The following RAVER2 variants were observed in gnomAD, a reference collection of about 807,000 sequenced individuals.
RAVER2 encodes ribonucleoprotein, PTB binding 2.
RAVER2 carries 46 observed loss-of-function variants against 78.1 expected under a neutral mutation model. The observed-to-expected ratio is 0.59, with a 90% CI of 0.46 to 0.75. The LOEUF (loss-of-function observed/expected upper bound fraction) is 0.75. RAVER2 is among the 30% of genes least tolerant of loss of function. The pLI, the probability that RAVER2 is intolerant of heterozygous loss-of-function variation, is 0.00. For synonymous variants in RAVER2, 311 were observed against 313.3 expected, an observed-to-expected ratio of 0.99 and a Z score of 0.08; for missense variants, 793 against 837.5, an observed-to-expected ratio of 0.95 and a Z score of 0.66.
At chr1:64,765,160 G>T (rs1022752793) in intron 1 of RAVER2, among the ~76,000 whole-genome samples, 2 of 152,178 alleles carry the variant, frequency 1.3e-5, no homozygotes, top group Admixed American at 6.5e-5. Flanking sequence ...CTGTTGATGG[G>T]ACTGTACACT....
At chr1:64,768,620 G>A (rs1346236801) in intron 1 of RAVER2, 36 bp from the exon 2 acceptor site, 1 of 1,307,686 alleles carries the variant, frequency 7.6e-7, no homozygotes, top group African/African-American at 1.5e-5. Context: ...AACTGCATTT[G>A]TATGTTTACT....
chr1:64,794,219 A>G (rs1454725186), intron 5 of RAVER2, among the ~76,000 whole-genome samples: 1 of 151,906 alleles, frequency 6.6e-6, no homozygotes, highest in African/African-American at 2.4e-5. Flanking sequence ...GACCACGGTG[A>G]AACCCCGTTT....
At chr1:64,792,187 A>G (rs778184585) in intron 5 of RAVER2, among the ~76,000 whole-genome samples, 1 of 152,180 alleles carries the variant, frequency 6.6e-6, no homozygotes, top group Non-Finnish European at 1.5e-5. Context: ...TTACAGTTCT[A>G]TATTTGACTT....
intron 1 of RAVER2, among the ~76,000 whole-genome samples, chr1:64,747,702 T>A (rs1651581015): frequency 6.6e-6 from 1 of 152,038 alleles, no homozygotes; most frequent in Non-Finnish European, 1.5e-5. Context: ...TTAGTAGAGA[T>A]GTGGTTTTGC....
At chr1:64,786,724 C>T (rs747596570) in intron 4 of RAVER2, among the ~76,000 whole-genome samples, 2 of 150,838 alleles carry the variant, frequency 1.3e-5, no homozygotes, top group Non-Finnish European at 3.0e-5. Context: ...ACCCAGGAAG[C>T]AGAGATTGCA....
At chr1:64,830,106 T>C (rs1456156181) in intron 11 of RAVER2, among the ~76,000 whole-genome samples, 1 of 152,216 alleles carries the variant, frequency 6.6e-6, no homozygotes, top group East Asian at 1.9e-4. Flanking sequence ...TTAAGTCACA[T>C]AATTCTGCAT....
intron 9 of RAVER2, 68 bp from the exon 10 acceptor site, chr1:64,812,670 C>A (rs1653646899): frequency 1.0e-6 from 1 of 998,658 alleles, no homozygotes; most frequent in East Asian, 2.7e-5. Flanking sequence ...ATAAGTATTT[C>A]TCTATTCTTT....
chr1:64,803,286 A>G (rs181263449), intron 6 of RAVER2, among the ~76,000 whole-genome samples: 1 of 152,278 alleles, frequency 6.6e-6, no homozygotes, highest in African/African-American at 2.4e-5. Flanking sequence ...ATTGATTCCA[A>G]TTTGTATGGC....
chr1:64,781,302 A>T, intron 3 of RAVER2, 78 bp from the exon 4 acceptor site: 1 of 1,351,510 alleles, frequency 7.4e-7, no homozygotes, highest in South Asian at 2.0e-5. Flanking sequence ...TTGTTCTTGA[A>T]TTTGAAAATT....
chr1:64,775,994 G>C, intron 2 of RAVER2, among the ~76,000 whole-genome samples: 1 of 149,868 alleles, frequency 6.7e-6, no homozygotes, highest in African/African-American at 2.5e-5. Flanking sequence ...ACTCCAGCCT[G>C]GGCAACAGAG....
chr1:64,764,149 A>G (rs1229580333), intron 1 of RAVER2, among the ~76,000 whole-genome samples: 4 of 152,202 alleles, frequency 2.6e-5, no homozygotes, highest in Admixed American at 1.3e-4. Context: ...TCAGATATCA[A>G]TGTTTATAAA....
At chr1:64,820,786 A>G (rs527988364) in intron 11 of RAVER2, among the ~76,000 whole-genome samples, 4 of 152,036 alleles carry the variant, frequency 2.6e-5, no homozygotes, top group African/African-American at 7.2e-5. Context: ...GTGTATATGT[A>G]CCACATATCC....
At chr1:64,830,754 A>C (rs1654107149) in intron 11 of RAVER2, 85 bp from the exon 12 acceptor site, 3 of 1,275,088 alleles carry the variant, frequency 2.4e-6, no homozygotes, top group Admixed American at 2.2e-5. Flanking sequence ...CACCAAGTCA[A>C]AGTGGAATGC....
chr1:64,800,131 G>GTTTTTTTTTTTTTTTTT (rs200005863), intron 5 of RAVER2, among the ~76,000 whole-genome samples: 2 of 137,738 alleles, frequency 1.5e-5, no homozygotes, highest in Non-Finnish European at 1.6e-5. Flanking sequence ...TTTGTTTTTT[G>GTTTTTTTTTTTTTTTTT]TTTTTTTTTT....
chr1:64,801,595 C>T (rs1355790447), intron 5 of RAVER2, among the ~76,000 whole-genome samples: 6 of 148,456 alleles, frequency 4.0e-5, no homozygotes, highest in South Asian at 4.3e-4. Context: ...CCAGGCCGGG[C>T]GCGGTGGCTC....
chr1:64,788,994 G>A (rs949336450), intron 4 of RAVER2, among the ~76,000 whole-genome samples: 1 of 152,090 alleles, frequency 6.6e-6, no homozygotes, highest in Non-Finnish European at 1.5e-5. Flanking sequence ...CAGGTGTGAG[G>A]CACTTTGCCT....
intron 5 of RAVER2, among the ~76,000 whole-genome samples, chr1:64,794,342 G>A (rs1168620350): frequency 3.4e-5 from 5 of 148,842 alleles, no homozygotes; most frequent in Non-Finnish European, 5.9e-5. Flanking sequence ...AGCTTGCAGT[G>A]AGCCGAGATC....
intron 9 of RAVER2, among the ~76,000 whole-genome samples, chr1:64,808,233 T>C (rs1653500189): frequency 6.6e-6 from 1 of 152,114 alleles, no homozygotes; most frequent in East Asian, 1.9e-4. Context: ...CTAAAGTACA[T>C]CTAATTTTTA....
intron 2 of RAVER2, among the ~76,000 whole-genome samples, chr1:64,769,628 G>A (rs1221906154): frequency 6.6e-6 from 1 of 152,002 alleles, no homozygotes. Context: ...AAAGATTTCA[G>A]AGCCAGCATG....
Sources: gnomAD v4.1 joint callset for allele counts (sites outside exome capture counted in the v4.1 genomes callset) on GRCh38, gnomAD v4.1.1 for gene constraint, MANE v1.5 for transcripts, NCBI Gene and HGNC (gene_info 2026-07-23, HGNC 2026-07-21) for gene names.